Variants in HECTD4 observed in about 807,000 individuals in gnomAD.
HECTD4 encodes the protein probable E3 ubiquitin-protein ligase HECTD4.
Under a neutral mutation model 471.5 loss-of-function variants are expected in HECTD4, and 114 were observed. That is an observed-to-expected ratio of 0.24 (90% CI 0.21 to 0.28). The LOEUF is 0.28. Among genes scored for constraint, HECTD4 ranks in the 10% least tolerant of loss-of-function variants. HECTD4 has a pLI of 1.00. For missense variants in HECTD4, 3,866 were observed against 5,651.5 expected (o/e 0.68, Z 10.13); for synonymous variants, 2,012 against 2,256.0 (o/e 0.89, Z 3.07).
At chr12:112,277,368 T>C (rs1025413735) in intron 9 of HECTD4, among the ~76,000 whole-genome samples, 3 of 152,236 alleles carry the variant, frequency 2.0e-5, no homozygotes, top group African/African-American at 7.2e-5. Flanking sequence ...AGACGCCTGC[T>C]TCTCCTTTGC....
chr12:112,215,408 C>T (rs896892953), intron 48 of HECTD4, among the ~76,000 whole-genome samples: 14 of 152,130 alleles, frequency 9.2e-5, no homozygotes, highest in Non-Finnish European at 1.6e-4. Flanking sequence ...CCAACATATT[C>T]GGCTGCTTCG....
Position 112,200,721 on chromosome 12 carries a change from C to G in HECTD4, c.8484G>C (p.Met2828Ile). ...VLVRYWYPID[M>I]LERPPAGYRR... ...GGTAGCCTGCTGGGGGCCTTTCCAACATGTCAATAGGATACCAGTATCGCA... is the reference window on the plus strand; with the variant it reads ...GGTAGCCTGCTGGGGGCCTTTCCAAGATGTCAATAGGATACCAGTATCGCA... Residue 2828 changes from methionine to isoleucine, a missense_variant, in exon 55 of 76, where the codon ATG (methionine) becomes ATC (isoleucine). Met to Ile is a conservative substitution (Grantham distance 10). Coordinates refer to ENST00000682272, the MANE Select transcript of HECTD4 (RefSeq NM_001388303.1). 1 of 1,614,000 alleles carries G rather than the reference C, an allele frequency of 6.2e-7. No homozygotes were observed. Among genetic ancestry groups the G allele is most frequent in the Non-Finnish European group, 8.5e-7 (1 of 1,179,882 alleles).
chr12:112,367,341 AG>A, intron 1 of HECTD4, among the ~76,000 whole-genome samples: 2 of 151,578 alleles, frequency 1.3e-5, no homozygotes, highest in South Asian at 2.1e-4. Flanking sequence ...AAAGAAAGAA[AG>A]AAAGAAAACA....
intron 55 of HECTD4, among the ~76,000 whole-genome samples, chr12:112,195,535 T>G (rs2032214765): frequency 6.6e-6 from 1 of 152,224 alleles, no homozygotes; most frequent in South Asian, 2.1e-4. Flanking sequence ...ATTCCATTTC[T>G]GTAAATTGTC....
intron 24 of HECTD4, 75 bp downstream of exon 24, chr12:112,250,896 A>T (rs1463446422): frequency 1.4e-6 from 2 of 1,417,878 alleles, no homozygotes; most frequent in Non-Finnish European, 1.9e-6. Context: ...TGGGAAATGT[A>T]CCAAAAGGAT....
At chr12:112,312,123 AC>A (rs978297239) in intron 4 of HECTD4, among the ~76,000 whole-genome samples, 7 of 152,098 alleles carry the variant, frequency 4.6e-5, no homozygotes, top group South Asian at 4.1e-4. Context: ...GGAGGGAGGA[AC>A]AGACTCTCTG....
rs140239391 is a variant in HECTD4 at position 112,221,096 on chromosome 12, C to T, written c.6971-1607G>A. Among the ~76,000 whole-genome samples, 1,074 of 151,540 alleles carry T rather than the reference C, an allele frequency of 7.1e-3. 6 individuals carry two copies. Among genetic ancestry groups the T allele is most frequent in the Non-Finnish European group, 7.7e-3 (521 of 67,872 alleles). ...CCTCCCAAGCAGGTGGGACCACAGG[C>T]GTGAGCCACCACACTTGGCTAATTT... is the stretch of plus-strand genomic sequence containing the variant. On this transcript the variant is annotated intron_variant, in intron 44 of 75. Transcript: ENST00000682272.
chr12:112,350,146 G>T (rs1346690578), intron 1 of HECTD4, among the ~76,000 whole-genome samples: 1 of 151,984 alleles, frequency 6.6e-6, no homozygotes, highest in African/African-American at 2.4e-5. Context: ...TGTTGAGACA[G>T]GTTCTTGCCA....
At chr12:112,191,639 GGTGAAT>G (rs2032083809) in intron 59 of HECTD4, among the ~76,000 whole-genome samples, 2 of 152,098 alleles carry the variant, frequency 1.3e-5, no homozygotes, top group African/African-American at 4.8e-5. Context: ...TATACTCTGG[GGTGAAT>G]GTTTACATAG....
chr12:112,197,888 C>T (rs564422704), intron 55 of HECTD4, among the ~76,000 whole-genome samples: 1 of 152,312 alleles, frequency 6.6e-6, no homozygotes, highest in East Asian at 1.9e-4. Flanking sequence ...TGTGTCAGGG[C>T]CTAGCTTAGG....
intron 10 of HECTD4, among the ~76,000 whole-genome samples, 174 bp from the exon 11 acceptor site, chr12:112,273,969 C>A (rs2034471302): frequency 6.6e-6 from 1 of 152,198 alleles, no homozygotes; most frequent in Non-Finnish European, 1.5e-5. Context: ...TCGGCAAAGG[C>A]CAGCATTTAA....
At chr12:112,208,404 A>T in intron 51 of HECTD4, 90 bp downstream of exon 51, 3 of 1,303,634 alleles carry the variant, frequency 2.3e-6, no homozygotes, top group Non-Finnish European at 3.1e-6. Context: ...TTGCACTCTC[A>T]CATCAAAATC....
chr12:112,250,081 C>G, intron 25 of HECTD4, 63 bp downstream of exon 25: 1 of 1,071,362 alleles, frequency 9.3e-7, no homozygotes, highest in South Asian at 1.4e-5. Flanking sequence ...GAAATATACC[C>G]ATTTCAATTG....
chr12:112,229,181 G>T (rs2033313338), intron 41 of HECTD4, among the ~76,000 whole-genome samples: 1 of 152,052 alleles, frequency 6.6e-6, no homozygotes, highest in Admixed American at 6.6e-5. Flanking sequence ...ACAAAAACTA[G>T]CCAGGCAAGG....
intron 1 of HECTD4, among the ~76,000 whole-genome samples, chr12:112,354,423 G>A (rs1160857128): frequency 2.0e-5 from 3 of 152,034 alleles, no homozygotes; most frequent in African/African-American, 7.2e-5. Flanking sequence ...CAGAAAGAGG[G>A]AAAAACCTGG....
chr12:112,208,320 G>C (rs1010413065), intron 51 of HECTD4, among the ~76,000 whole-genome samples, 174 bp downstream of exon 51: 34 of 152,340 alleles, frequency 2.2e-4, no homozygotes, highest in African/African-American at 7.9e-4. Context: ...GCTATTGATA[G>C]GGGTTTAGAA....
rs1474490840 is a variant in HECTD4 at position 112,162,984 on chromosome 12, CCAAA to C, written c.13120+54_13120+57del. ...CACATGGGGCCTGGCAGCCCCAGTTCCAAACAGAGAAAGGCTAGTGTGTCCCTAC... is the reference window on the plus strand; with the variant it reads ...CACATGGGGCCTGGCAGCCCCAGTTCCAGAGAAAGGCTAGTGTGTCCCTAC... On this transcript the variant is annotated intron_variant, in intron 75 of 75. Coordinates refer to ENST00000682272, the MANE Select transcript of HECTD4 (RefSeq NM_001388303.1). This position sits in a 1 kb window ranked among gnomAD's most constrained non-coding sequence, Gnocchi z 5.2. The C allele has an allele frequency of 7.3e-7, 1 of 1,365,792 alleles. No individual in the cohort carries two copies. The highest frequency in any genetic ancestry group is 1.9e-5 in the Admixed American group (1 of 51,922). The allele number at this position is 1,365,792 out of a possible 1,614,324, so 84.6% of individuals were successfully genotyped here.
At chr12:112,338,045 A>G (rs1304472955) in intron 1 of HECTD4, among the ~76,000 whole-genome samples, 6 of 152,194 alleles carry the variant, frequency 3.9e-5, no homozygotes, top group Non-Finnish European at 8.8e-5. Context: ...ACAGTTCTGG[A>G]GGCTAGAAGT....
At chr12:112,245,861 G>C (rs1008636146) in intron 29 of HECTD4, among the ~76,000 whole-genome samples, 3 of 152,222 alleles carry the variant, frequency 2.0e-5, no homozygotes, top group African/African-American at 7.2e-5. Flanking sequence ...GCCGGGCGTG[G>C]TGGCTCACGC....
Sources: allele counts gnomAD v4.1 joint callset (sites outside exome capture counted in the v4.1 genomes callset), GRCh38; gene constraint gnomAD v4.1.1; non-coding constraint Gnocchi (gnomAD v3.1); transcripts MANE v1.5; gene names NCBI Gene and HGNC (gene_info 2026-07-23, HGNC 2026-07-21).